The following GRM8 variants were observed in gnomAD, a reference collection of about 807,000 sequenced individuals.
The protein encoded by GRM8 is glutamate metabotropic receptor 8.
GRM8 carries 47 observed loss-of-function variants against 87.2 expected under a neutral mutation model. That is an observed-to-expected ratio of 0.54 (90% CI 0.43 to 0.69). GRM8 has a LOEUF of 0.69. Ranked by LOEUF, GRM8 falls within the 30% of genes least tolerant of loss-of-function variation. GRM8 has a pLI of 0.00. For synonymous variants in GRM8, 396 were observed against 404.5 expected, an observed-to-expected ratio of 0.98 and a Z score of 0.25; for missense variants, 1,019 against 1,139.2, an observed-to-expected ratio of 0.89 and a Z score of 1.52.
chr7:126,863,299 C>T (rs115360481), intron 6 of GRM8, among the ~76,000 whole-genome samples: 314 of 152,162 alleles, frequency 2.1e-3, no homozygotes, highest in African/African-American at 7.2e-3. Context: ...TTTTATTAAA[C>T]TTATTTCATG....
intron 2 of GRM8, among the ~76,000 whole-genome samples, chr7:127,227,725 TTATCCAG>T (rs1174469733): frequency 6.6e-6 from 1 of 152,218 alleles, no homozygotes; most frequent in Non-Finnish European, 1.5e-5. Context: ...ATACAAACTC[TTATCCAG>T]TATCCTCCTC....
At chr7:126,580,877 A>G (rs971213167) in intron 8 of GRM8, among the ~76,000 whole-genome samples, 2 of 152,164 alleles carry the variant, frequency 1.3e-5, no homozygotes, top group African/African-American at 4.8e-5. Context: ...AGTTAAAACA[A>G]CTTATTAAAA....
chr7:126,973,423 T>C (rs189766728), intron 3 of GRM8, among the ~76,000 whole-genome samples: 12 of 152,316 alleles, frequency 7.9e-5, no homozygotes, highest in Admixed American at 4.6e-4. Flanking sequence ...TTAATCCATA[T>C]AGTAGGGATA....
At chr7:126,535,198 C>T (rs1400367422) in intron 8 of GRM8, among the ~76,000 whole-genome samples, 3 of 152,184 alleles carry the variant, frequency 2.0e-5, no homozygotes, top group Non-Finnish European at 4.4e-5. Flanking sequence ...TCCTGTGGCC[C>T]GCTGCCACTT....
At chr7:127,076,781 A>G (rs993093633) in intron 3 of GRM8, among the ~76,000 whole-genome samples, 5 of 152,200 alleles carry the variant, frequency 3.3e-5, no homozygotes, top group Non-Finnish European at 7.3e-5. Context: ...CTCAAACTCT[A>G]TAAACAAATG....
chr7:126,841,518 T>C (rs1461930286), intron 6 of GRM8, among the ~76,000 whole-genome samples: 1 of 152,158 alleles, frequency 6.6e-6, no homozygotes, highest in Non-Finnish European at 1.5e-5. Context: ...CCACTGCATT[T>C]ACTGACTAAA....
intron 3 of GRM8, among the ~76,000 whole-genome samples, chr7:127,074,937 A>T (rs1822106309): frequency 6.6e-6 from 1 of 152,192 alleles, no homozygotes; most frequent in African/African-American, 2.4e-5. Context: ...TGAGTGTCTC[A>T]TTTACAAGCA....
At chr7:127,234,679 C>T (rs1333356885) in intron 2 of GRM8, among the ~76,000 whole-genome samples, 1 of 152,184 alleles carries the variant, frequency 6.6e-6, no homozygotes, top group East Asian at 1.9e-4. Context: ...CAGACCCCAC[C>T]CCGGGCCTCC....
chr7:126,533,961 G>A, intron 8 of GRM8, 74 bp from the exon 9 acceptor site: 1 of 1,079,450 alleles, frequency 9.3e-7, no homozygotes. Flanking sequence ...CCACGGGTTT[G>A]TAATGAATCA....
chr7:126,780,962 A>T (rs1358815594), intron 6 of GRM8, among the ~76,000 whole-genome samples: 1 of 152,190 alleles, frequency 6.6e-6, no homozygotes, highest in Non-Finnish European at 1.5e-5. Flanking sequence ...TAAGGTGGTG[A>T]TGAAAGTGAA....
chr7:127,043,651 T>C (rs1415981374), intron 3 of GRM8, among the ~76,000 whole-genome samples: 1 of 152,048 alleles, frequency 6.6e-6, no homozygotes, highest in Non-Finnish European at 1.5e-5. Context: ...CATTAGGAGA[T>C]ATACCTAATG....
At chr7:126,496,337 T>G (rs1808737299) in intron 9 of GRM8, among the ~76,000 whole-genome samples, 1 of 151,848 alleles carries the variant, frequency 6.6e-6, no homozygotes, top group Admixed American at 6.6e-5. Flanking sequence ...TTTTATAGAT[T>G]AGATAAATGA....
chr7:127,233,413 T>C (rs1316215157), intron 2 of GRM8, among the ~76,000 whole-genome samples: 1 of 152,202 alleles, frequency 6.6e-6, no homozygotes, highest in African/African-American at 2.4e-5. Flanking sequence ...TATGACATGG[T>C]ATTTGTTCTA....
chr7:126,893,395 C>T (rs1011187608), intron 6 of GRM8, among the ~76,000 whole-genome samples: 2 of 151,930 alleles, frequency 1.3e-5, no homozygotes, highest in African/African-American at 4.8e-5. Context: ...CAGAATAGTA[C>T]ATTTTCTTCT....
intron 8 of GRM8, among the ~76,000 whole-genome samples, chr7:126,560,876 C>T (rs955934447): frequency 6.6e-6 from 1 of 152,134 alleles, no homozygotes; most frequent in Non-Finnish European, 1.5e-5. Context: ...AATGATAATC[C>T]TTTAAGTAAT....
chr7:126,957,399 C>A (rs1808822296), intron 3 of GRM8, among the ~76,000 whole-genome samples: 1 of 152,148 alleles, frequency 6.6e-6, no homozygotes, highest in Non-Finnish European at 1.5e-5. Context: ...CCATCCCCTA[C>A]CGAGTTGGAG....
intron 3 of GRM8, among the ~76,000 whole-genome samples, chr7:127,058,872 C>T (rs571446094): frequency 2.0e-5 from 3 of 152,298 alleles, no homozygotes. Flanking sequence ...TATGTAGTTA[C>T]CAGTTCATTA....
At chr7:126,881,988 A>T (rs1035742896) in intron 6 of GRM8, among the ~76,000 whole-genome samples, 5 of 151,972 alleles carry the variant, frequency 3.3e-5, no homozygotes, top group African/African-American at 1.2e-4. Context: ...GCTGACCTCT[A>T]AACTCCATCC....
intron 7 of GRM8, among the ~76,000 whole-genome samples, chr7:126,630,232 G>A (rs1486681369): frequency 2.0e-5 from 3 of 151,934 alleles, no homozygotes; most frequent in Non-Finnish European, 4.4e-5. Flanking sequence ...ATCATAGAGT[G>A]CTATTTAACA....
Sources: allele counts gnomAD v4.1 joint callset (sites outside exome capture counted in the v4.1 genomes callset), GRCh38; gene constraint gnomAD v4.1.1; transcripts MANE v1.5; gene names NCBI Gene and HGNC (gene_info 2026-07-23, HGNC 2026-07-21).